The following LGSN variants were observed in gnomAD, a reference collection of about 807,000 sequenced individuals.
LGSN encodes the protein lengsin, lens protein with glutamine synthetase domain.
A neutral mutation model predicts 19.5 loss-of-function variants in LGSN; 21 were observed. The observed-to-expected ratio is 1.07, with a 90% CI of 0.76 to 1.55. The LOEUF is 1.55. Among genes scored for constraint, LGSN ranks in the 40% most tolerant of loss-of-function variants. The probability of loss-of-function intolerance (pLI) is 0.00; values close to 1 mark genes in which losing one functional copy is unlikely to be tolerated. For synonymous variants in LGSN, 257 were observed against 215.6 expected, an observed-to-expected ratio of 1.19 and a Z score of -1.68; for missense variants, 673 against 608.5, an observed-to-expected ratio of 1.11 and a Z score of -1.12.
chr6:63,523,984 T>C, the LGSN span, among the ~76,000 whole-genome samples: 1 of 152,124 alleles, frequency 6.6e-6, no homozygotes, highest in Middle Eastern at 3.2e-3. Context: ...ATTGTATCAA[T>C]AGGCTTTTTT....
the LGSN span, among the ~76,000 whole-genome samples, chr6:63,377,929 A>AAAAAAAG: frequency 6.9e-6 from 1 of 144,224 alleles, no homozygotes; most frequent in Non-Finnish European, 1.5e-5. Context: ...AAAAAAAAAA[A>AAAAAAAG]AAAAAAGAAA....
the LGSN span, among the ~76,000 whole-genome samples, chr6:63,344,389 A>G: frequency 1.3e-5 from 2 of 152,232 alleles, no homozygotes; most frequent in African/African-American, 4.8e-5. Flanking sequence ...GGATATACCA[A>G]GATATTCTGA....
At chr6:63,530,225 T>C in the LGSN span, among the ~76,000 whole-genome samples, 2 of 152,186 alleles carry the variant, frequency 1.3e-5, no homozygotes, top group Non-Finnish European at 2.9e-5. Flanking sequence ...ACACTTTTTT[T>C]TCATACACTG....
chr6:63,506,917 A>G, the LGSN span, among the ~76,000 whole-genome samples: 1 of 152,270 alleles, frequency 6.6e-6, no homozygotes, highest in South Asian at 2.1e-4. Flanking sequence ...AGTTCACGTG[A>G]CACTATCTTA....
chr6:63,494,042 C>T, the LGSN span, among the ~76,000 whole-genome samples: 18 of 151,718 alleles, frequency 1.2e-4, no homozygotes, highest in East Asian at 1.6e-3. Context: ...CTCTGCCTCC[C>T]GGGTTCAAGT....
the LGSN span, among the ~76,000 whole-genome samples, chr6:63,547,276 G>A: frequency 2.0e-5 from 3 of 149,552 alleles, no homozygotes; most frequent in African/African-American, 4.9e-5. Flanking sequence ...TGCAACCTGC[G>A]CCTCCCAGGT....
chr6:63,335,703 A>C, the LGSN span, among the ~76,000 whole-genome samples: 2 of 152,304 alleles, frequency 1.3e-5, 1 homozygote, highest in South Asian at 4.1e-4. Flanking sequence ...GAACTCTTAT[A>C]CACTGTTAGT....
At chr6:63,281,304 A>AATATATAT (rs1223943140) in intron 3 of LGSN, 84 bp from the exon 4 acceptor site, 30,388 of 134,820 alleles carry the variant, frequency 0.23, 4,739 homozygotes, top group Admixed American at 0.33. Flanking sequence ...TGCTAATGAA[A>AATATATAT]ATATATATAT....
the LGSN span, among the ~76,000 whole-genome samples, chr6:63,401,804 G>A: frequency 6.6e-6 from 1 of 152,184 alleles, no homozygotes; most frequent in Admixed American, 6.6e-5. Flanking sequence ...GCAAAAGGCT[G>A]ATTTAAGATT....
the LGSN span, among the ~76,000 whole-genome samples, chr6:63,419,880 C>CAAAAAAAAAA: frequency 1.7e-5 from 1 of 57,330 alleles, no homozygotes; most frequent in Non-Finnish European, 2.9e-5. Flanking sequence ...AACTCCCTCC[C>CAAAAAAAAAA]AAAAAAAAAA....
intron 1 of LGSN, among the ~76,000 whole-genome samples, chr6:63,318,971 G>T (rs907947203): frequency 6.6e-6 from 1 of 152,132 alleles, no homozygotes; most frequent in Admixed American, 6.5e-5. Context: ...TCCACCATTT[G>T]ATGCCTACAA....
At chr6:63,434,863 G>A in the LGSN span, among the ~76,000 whole-genome samples, 1 of 151,926 alleles carries the variant, frequency 6.6e-6, no homozygotes, top group African/African-American at 2.4e-5. Flanking sequence ...AAGAGGAAAG[G>A]TACATCATGA....
At chr6:63,389,309 C>A in the LGSN span, among the ~76,000 whole-genome samples, 1 of 152,146 alleles carries the variant, frequency 6.6e-6, no homozygotes, top group African/African-American at 2.4e-5. Flanking sequence ...AGAAGCTTAC[C>A]TTACATTTTC....
the LGSN span, chr6:63,548,699 A>C: frequency 1.7e-6 from 1 of 589,938 alleles, no homozygotes; most frequent in South Asian, 2.1e-5. Context: ...AAAACTCAAC[A>C]GTGTACATTT....
At chr6:63,415,198 G>A in the LGSN span, among the ~76,000 whole-genome samples, 1 of 152,118 alleles carries the variant, frequency 6.6e-6, no homozygotes. Context: ...GTATGCACCT[G>A]TAATCCCAGC....
chr6:63,397,616 GA>G, the LGSN span, among the ~76,000 whole-genome samples: 56 of 148,692 alleles, frequency 3.8e-4, no homozygotes, highest in East Asian at 6.3e-3. Flanking sequence ...CTTGTTAATA[GA>G]AAAAAAAAAG....
At chr6:63,363,609 G>A in the LGSN span, among the ~76,000 whole-genome samples, 8 of 152,224 alleles carry the variant, frequency 5.3e-5, no homozygotes, top group South Asian at 8.3e-4. Context: ...AGTGATTGAA[G>A]ATCAAATGAA....
At chr6:63,505,948 C>G in the LGSN span, among the ~76,000 whole-genome samples, 1 of 151,686 alleles carries the variant, frequency 6.6e-6, no homozygotes. Flanking sequence ...TGCGCCCAGC[C>G]GTCATATTTT....
chr6:63,540,668 A>G, the LGSN span, among the ~76,000 whole-genome samples: 3 of 151,918 alleles, frequency 2.0e-5, no homozygotes, highest in Non-Finnish European at 2.9e-5. Flanking sequence ...TTAGATGAAA[A>G]TGAGATTTCT....
Sources: gnomAD v4.1 joint callset for allele counts (sites outside exome capture counted in the v4.1 genomes callset) on GRCh38, gnomAD v4.1.1 for gene constraint, MANE v1.5 for transcripts, NCBI Gene and HGNC (gene_info 2026-07-23, HGNC 2026-07-21) for gene names.